Variants in WDR1 observed in about 807,000 individuals in gnomAD.
The protein encoded by WDR1 is WD repeat domain 1, also known as WD repeat-containing protein 1.
A neutral mutation model predicts 71.9 loss-of-function variants in WDR1; 21 were observed. The observed-to-expected ratio is 0.29, with a 90% CI of 0.21 to 0.42. WDR1 has a LOEUF of 0.42. Ranked by LOEUF, WDR1 falls within the 10% of genes least tolerant of loss-of-function variation. WDR1 has a pLI of 1.00. For synonymous variants in WDR1, 424 were observed against 347.4 expected, an observed-to-expected ratio of 1.22 and a Z score of -2.45; for missense variants, 696 against 824.5, an observed-to-expected ratio of 0.84 and a Z score of 1.91.
intron 9 of WDR1, 34 bp downstream of exon 9, chr4:10,084,409 G>A (rs781570696): frequency 6.8e-5 from 108 of 1,599,074 alleles, no homozygotes; most frequent in South Asian, 2.1e-4. Context: ...TAGAGCCAGC[G>A]GCTCCGGAGC....
Position 10,075,221 on chromosome 4 carries a change from A to G in WDR1, c.*157T>C. On this transcript the variant is annotated 3_prime_UTR_variant, in exon 15 of 15. Coordinates refer to ENST00000499869, the MANE Select transcript of WDR1 (RefSeq NM_017491.5). ...AAAGCTTTCAGAAGAACGTGTACAG[A>G]CACCCTGCAGAGACGAGGGTCATGA... 2 of 630,110 alleles carry G rather than the reference A, an allele frequency of 3.2e-6. No homozygotes were observed. The highest frequency in any genetic ancestry group is 5.7e-6 in the Non-Finnish European group (2 of 353,378). 39.0% of individuals were successfully genotyped at this position (630,110 alleles called of 1,614,324 possible). A position where few individuals can be genotyped will look rare whatever the true frequency, so the allele number is the denominator to read the frequency against.
chr4:10,081,387 C>G lies in WDR1; in HGVS notation c.1254G>C (p.Gly418=). 6.2e-7 allele frequency: 1 copy of G among 1,613,950 alleles called. No individual in the cohort carries two copies. The highest frequency in any genetic ancestry group is 1.1e-5 in the South Asian group (1 of 91,078). Residue 418 remains glycine, a synonymous_variant, in exon 11 of 15, where the codon GGG becomes GGC. Transcript: ENST00000499869. The part of the protein sequence containing the change: ...VQPKCVAVGP[G]GYAVVVCIGQ... ...CAATGCACACGACCACGGCGTATCC[C>G]CCGGGGCCGACGGCTACGCACTTTG...
In WDR1 at chr4:10,097,799, C is replaced by A. The variant is rs1251891110; in HGVS notation, c.470G>T (p.Ser157Ile). 1 of 1,613,684 alleles carries A rather than the reference C, an allele frequency of 6.2e-7. No homozygotes were observed. Among genetic ancestry groups the A allele is most frequent in the Non-Finnish European group, 8.5e-7 (1 of 1,179,850 alleles). The change falls in exon 5 of 15, where the codon AGC becomes ATC. Residue 157 changes from serine (S) to isoleucine (I), a missense_variant. Coordinates refer to ENST00000499869, the MANE Select transcript of WDR1 (RefSeq NM_017491.5). ...KVINSVDIKQ[S>I]RPYRLATGSD... ...TCCCGTGGCCAGCCGGTATGGCCGG[C>A]TCTGCTTGATGTCCACGCTGTTGAT...
rs565048776 is a variant in WDR1 at position 10,081,609 on chromosome 4, T to C, written c.1197-165A>G. ...ATATGGGATGGTAGCGAAAAAACGA[T>C]CCATGACTCTGGTGCAAAGAGATTA... On this transcript the variant is annotated intron_variant, in intron 10 of 14. Coordinates refer to ENST00000499869, the MANE Select transcript of WDR1 (RefSeq NM_017491.5). Among the ~76,000 whole-genome samples, 10 of 132,256 alleles carry C rather than the reference T, an allele frequency of 7.6e-5. 1 individual carries two copies. The South Asian group carries it at 2.2e-3, about 30-fold the overall frequency. The allele number at this position is 132,256 out of a possible 152,430, so 86.8% of individuals were successfully genotyped here.
chr4:10,081,765 C>G (rs1216328334), intron 10 of WDR1, among the ~76,000 whole-genome samples: 9 of 152,034 alleles, frequency 5.9e-5, no homozygotes, highest in Non-Finnish European at 2.9e-5. Flanking sequence ...CTTTTGTCCC[C>G]CTGTCTGTTG....
At chr4:10,116,462 T>G in intron 1 of WDR1, 189 bp downstream of exon 1, 6 of 649,024 alleles carry the variant, frequency 9.2e-6, no homozygotes, top group East Asian at 7.1e-5. Flanking sequence ...GGCGCCAACT[T>G]GGGGGCGCAC....
In WDR1 at chr4:10,116,345, G is replaced by C. The variant is rs111725991; in HGVS notation, c.17-111C>G. Reference sequence around the variant, plus strand: ...CGGCCGGTCACCTGTTGACTGCGCCGGGAGGGCGGCCTCCACTTTCCACGA... The same window carrying C: ...CGGCCGGTCACCTGTTGACTGCGCCCGGAGGGCGGCCTCCACTTTCCACGA... On this transcript the variant is annotated intron_variant, in intron 1 of 14. Transcript: ENST00000499869. The C allele has an allele frequency of 3.4e-6, 5 of 1,472,238 alleles. No individual in the cohort carries two copies. The Admixed American group carries it at 8.0e-5, about 24-fold the overall frequency. The allele number at this position is 1,472,238 out of a possible 1,614,324, so 91.2% of individuals were successfully genotyped here.
At chr4:10,102,379 G>A (rs1436215568) in intron 3 of WDR1, among the ~76,000 whole-genome samples, 1 of 152,232 alleles carries the variant, frequency 6.6e-6, no homozygotes, top group Non-Finnish European at 1.5e-5. Flanking sequence ...CAATGCATCA[G>A]AGGCGGCCTA....
At chr4:10,078,847 A>C in intron 12 of WDR1, 44 bp downstream of exon 12, 1 of 1,538,950 alleles carries the variant, frequency 6.5e-7, no homozygotes, top group Non-Finnish European at 8.9e-7. Flanking sequence ...CAAATCACCC[A>C]GATACCAAGG....
chr4:10,106,323 A>C, intron 2 of WDR1: 1 of 152,266 alleles, frequency 6.6e-6, no homozygotes, highest in African/African-American at 2.4e-5. Context: ...CACTCCAATT[A>C]GTCCTTCATA....
At chr4:10,082,519 G>C (rs1301287453) in intron 10 of WDR1, among the ~76,000 whole-genome samples, 5 of 152,196 alleles carry the variant, frequency 3.3e-5, no homozygotes, top group South Asian at 2.1e-4. Context: ...TACTCTCCTA[G>C]CTCCACTGAC....
intron 8 of WDR1, among the ~76,000 whole-genome samples, 157 bp from the exon 9 acceptor site, chr4:10,084,687 C>T (rs1427567208): frequency 6.6e-6 from 1 of 152,162 alleles, no homozygotes; most frequent in Non-Finnish European, 1.5e-5. Context: ...GCCCCAGCTG[C>T]CCGAATGCAC....
intron 8 of WDR1, among the ~76,000 whole-genome samples, chr4:10,087,185 G>A (rs1711631826): frequency 6.6e-6 from 1 of 152,196 alleles, no homozygotes; most frequent in Non-Finnish European, 1.5e-5. Context: ...CTCCCTTATG[G>A]AACTCCAGTA....
chr4:10,099,227 C>G (rs988317988), intron 3 of WDR1, 88 bp from the exon 4 acceptor site: 27 of 1,182,704 alleles, frequency 2.3e-5, no homozygotes, highest in Non-Finnish European at 2.5e-5. Flanking sequence ...CGGGCCAGGG[C>G]CACGTGGCCA....
At chr4:10,095,583 G>A (rs965278396) in intron 5 of WDR1, among the ~76,000 whole-genome samples, 1 of 152,192 alleles carries the variant, frequency 6.6e-6, no homozygotes, top group Admixed American at 6.5e-5. Context: ...GGGTCCGGAG[G>A]GCTTAAGTGC....
chr4:10,100,887 C>A (rs1448829948), intron 3 of WDR1, among the ~76,000 whole-genome samples: 1 of 152,208 alleles, frequency 6.6e-6, no homozygotes, highest in Non-Finnish European at 1.5e-5. Flanking sequence ...CACATGCACA[C>A]ATGTCCACAC....
chr4:10,096,307 C>G (rs549820365), intron 5 of WDR1: 1 of 152,380 alleles, frequency 6.6e-6, no homozygotes, highest in Non-Finnish European at 1.5e-5. Context: ...GGGTGTGCAG[C>G]TGACTCAGCA....
In WDR1 at chr4:10,077,918, G is replaced by A. The variant is rs1413455359; in HGVS notation, c.1404C>T (p.Asn468=). The change falls in exon 13 of 15, where the codon AAC becomes AAT. Residue 468 remains asparagine, a synonymous_variant. Coordinates refer to ENST00000499869, the MANE Select transcript of WDR1 (RefSeq NM_017491.5). Reference sequence around the variant, plus strand: ...TGCCCAGGATGGAATACAGGCGGACGTTGCCGTCCTACGGCAGGGACAGAG... The same window carrying A: ...TGCCCAGGATGGAATACAGGCGGACATTGCCGTCCTACGGCAGGGACAGAG... The part of the protein sequence containing the change: ...DTVAIGGVDG[N]VRLYSILGTT... 1.0e-5 allele frequency: 16 copies of A among 1,605,684 alleles called. No individual in the cohort carries two copies. Among genetic ancestry groups the A allele is most frequent in the South Asian group, 6.7e-5 (6 of 90,030 alleles).
chr4:10,083,959 C>T (rs772796274), intron 9 of WDR1, among the ~76,000 whole-genome samples: 34 of 152,242 alleles, frequency 2.2e-4, no homozygotes, highest in Non-Finnish European at 4.0e-4. Flanking sequence ...CTGTGGACCA[C>T]AGGCTGCATG....
Sources: gnomAD v4.1 joint callset for allele counts (sites outside exome capture counted in the v4.1 genomes callset) on GRCh38, gnomAD v4.1.1 for gene constraint, MANE v1.5 for transcripts, NCBI Gene and HGNC (gene_info 2026-07-23, HGNC 2026-07-21) for gene names.